Variants in CCDC88A observed in about 807,000 individuals in gnomAD.
The protein encoded by CCDC88A is girdin.
A neutral mutation model predicts 234.3 loss-of-function variants in CCDC88A; 54 were observed. The ratio of observed to expected loss-of-function variants is 0.23; its 90% CI spans 0.19 to 0.29. The LOEUF (loss-of-function observed/expected upper bound fraction) is 0.29, where lower values mean the gene tolerates loss of function less well. Ranked by LOEUF, CCDC88A falls within the 10% of genes least tolerant of loss-of-function variation. The probability of loss-of-function intolerance (pLI) is 1.00; values close to 1 mark genes in which losing one functional copy is unlikely to be tolerated. For synonymous variants in CCDC88A, 753 were observed against 737.8 expected, an observed-to-expected ratio of 1.02 and a Z score of -0.33; for missense variants, 1,832 against 2,123.4, an observed-to-expected ratio of 0.86 and a Z score of 2.70.
intron 32 of CCDC88A, 70 bp downstream of exon 32, chr2:55,291,606 T>C (rs2249856): frequency 0.91 from 570,144 of 626,842 alleles, 264,206 homozygotes; most frequent in East Asian, 0.96. Context: ...TGTGCACTTG[T>C]TTCACACTTA....
rs578256683 is a variant in CCDC88A at position 55,325,160 on chromosome 2, C to A, written c.2998-2468G>T. 3.3e-5 allele frequency among the ~76,000 whole-genome samples: 5 copies of A among 152,288 alleles called. No homozygotes were observed. The East Asian group carries it at 7.7e-4, about 24-fold the overall frequency. ...AATCAAGAGATCAATCTGGGGAAAT[C>A]TGCCATTTTAACAATATTGAGTCTT... On this transcript the variant is annotated intron_variant, in intron 17 of 32. Coordinates refer to ENST00000436346, the MANE Select transcript of CCDC88A (RefSeq NM_001365480.1).
intron 5 of CCDC88A, among the ~76,000 whole-genome samples, chr2:55,366,649 G>A (rs910389221): frequency 6.6e-5 from 10 of 151,900 alleles, no homozygotes; most frequent in African/African-American, 2.4e-4. Context: ...GGGTGGGAGA[G>A]ATATGCATAA....
At chr2:55,406,671 A>T (rs1455668329) in intron 2 of CCDC88A, among the ~76,000 whole-genome samples, 1 of 152,112 alleles carries the variant, frequency 6.6e-6, no homozygotes, top group Non-Finnish European at 1.5e-5. Context: ...AGGCATGAGA[A>T]TCTCTTGATC....
intron 3 of CCDC88A, among the ~76,000 whole-genome samples, chr2:55,386,090 G>C (rs2104880017): frequency 6.6e-6 from 1 of 151,864 alleles, no homozygotes; most frequent in Non-Finnish European, 1.5e-5. Flanking sequence ...GGGCGTGGTG[G>C]CATGTACCTG....
chr2:55,353,957 T>C (rs553496940), intron 8 of CCDC88A, among the ~76,000 whole-genome samples: 217 of 152,300 alleles, frequency 1.4e-3, no homozygotes, highest in Non-Finnish European at 2.7e-3. Flanking sequence ...CAAATCTAGA[T>C]GGTAATAGCC....
chr2:55,376,091 A>C (rs765206245), intron 3 of CCDC88A, among the ~76,000 whole-genome samples: 9 of 152,182 alleles, frequency 5.9e-5, no homozygotes, highest in Non-Finnish European at 1.2e-4. Flanking sequence ...AATTTAGTTA[A>C]TACATCAAGT....
chr2:55,392,449 C>G (rs185271282), intron 2 of CCDC88A, among the ~76,000 whole-genome samples: 1 of 152,332 alleles, frequency 6.6e-6, no homozygotes, highest in East Asian at 1.9e-4. Context: ...AGCATTGAGT[C>G]TTGCCACTGA....
At chr2:55,394,390 A>G (rs1415470572) in intron 2 of CCDC88A, 2 of 152,122 alleles carry the variant, frequency 1.3e-5, no homozygotes, top group Non-Finnish European at 2.9e-5. Context: ...TGTAATAAAC[A>G]TACGTTTGCA....
intron 31 of CCDC88A, chr2:55,295,162 G>A (rs1679879075): frequency 3.8e-6 from 5 of 1,308,124 alleles, no homozygotes; most frequent in South Asian, 1.2e-5. Context: ...GAAGTGACAA[G>A]ATTGTTGCTA....
chr2:55,365,313 A>T (rs1451479758), intron 5 of CCDC88A, among the ~76,000 whole-genome samples: 1 of 152,146 alleles, frequency 6.6e-6, no homozygotes, highest in African/African-American at 2.4e-5. Context: ...CTAATCATAA[A>T]TTCATAGCAT....
chr2:55,400,049 T>C (rs996133009), intron 2 of CCDC88A, among the ~76,000 whole-genome samples: 1 of 152,206 alleles, frequency 6.6e-6, no homozygotes, highest in African/African-American at 2.4e-5. Flanking sequence ...ATGTAGTCTA[T>C]TAAGTATGAC....
chr2:55,376,443 T>TA (rs1430430918), intron 3 of CCDC88A, among the ~76,000 whole-genome samples: 2 of 152,222 alleles, frequency 1.3e-5, no homozygotes, highest in African/African-American at 4.8e-5. Flanking sequence ...TGCCACTTTT[T>TA]AAAAATTTCT....
At chr2:55,358,531 T>A (rs60260779) in intron 7 of CCDC88A, among the ~76,000 whole-genome samples, 1 of 152,284 alleles carries the variant, frequency 6.6e-6, no homozygotes, top group African/African-American at 2.4e-5. Context: ...AATTTCCCTA[T>A]GATGACTATG....
chr2:55,376,384 T>C (rs565709958), intron 3 of CCDC88A, among the ~76,000 whole-genome samples: 11 of 152,320 alleles, frequency 7.2e-5, no homozygotes, highest in African/African-American at 2.2e-4. Context: ...CTTAATACTA[T>C]GATGAGAAAG....
intron 12 of CCDC88A, chr2:55,340,197 G>A (rs1160044679): frequency 6.6e-6 from 1 of 152,166 alleles, no homozygotes; most frequent in Non-Finnish European, 1.5e-5. Context: ...GAAGAAATTG[G>A]AGTTCAAGCA....
intron 7 of CCDC88A, among the ~76,000 whole-genome samples, chr2:55,359,921 A>G (rs1671074291): frequency 6.6e-6 from 1 of 152,104 alleles, no homozygotes; most frequent in Non-Finnish European, 1.5e-5. Context: ...GAAATTAGAG[A>G]TGTGCTCAGT....
Position 55,339,541 on chromosome 2 carries a change from T to C in CCDC88A, c.1441A>G (p.Thr481Ala). ...SLTKTVEELR[T>A]TVDSVEGNAS... The stretch of plus-strand genomic sequence containing the variant: ...TTGCCTTCTACAGAATCCACAGTAG[T>C]CCGAAGCTCTTCTACGGTTTTTGTC... Residue 481 changes from threonine (T) to alanine (A), a missense_variant, in exon 13 of 33, where the codon ACT becomes GCT. By Grantham distance (58) the Thr-to-Ala change is moderately conservative. Around this residue, in one of 6 missense-constraint regions of CCDC88A, gnomAD observed 1,282 missense variants for 1,543.6 expected, o/e 0.83. Coordinates refer to ENST00000436346, the MANE Select transcript of CCDC88A (RefSeq NM_001365480.1). 2 of 1,613,890 alleles carry C rather than the reference T, an allele frequency of 1.2e-6. No individual in the cohort carries two copies. The highest frequency in any genetic ancestry group is 2.2e-5 in the East Asian group (1 of 44,832).
intron 17 of CCDC88A, among the ~76,000 whole-genome samples, chr2:55,324,501 GC>G (rs1432277431): frequency 6.6e-6 from 1 of 152,050 alleles, no homozygotes; most frequent in Non-Finnish European, 1.5e-5. Context: ...ATATTTCTAA[GC>G]TTTAACCATG....
chr2:55,362,512 T>C (rs1671452884), intron 6 of CCDC88A, 64 bp from the exon 7 acceptor site: 1 of 1,356,542 alleles, frequency 7.4e-7, no homozygotes, highest in African/African-American at 1.5e-5. Context: ...TCTATTTCAC[T>C]ATAGTACAAT....
Sources: allele counts gnomAD v4.1 joint callset (sites outside exome capture counted in the v4.1 genomes callset), GRCh38; gene constraint gnomAD v4.1.1; regional missense constraint gnomAD v4.1.1; transcripts MANE v1.5; gene names NCBI Gene and HGNC (gene_info 2026-07-23, HGNC 2026-07-21).